The following TM9SF4 variants were observed in gnomAD, a reference collection of about 807,000 sequenced individuals.
The protein encoded by TM9SF4 is dinucleotide oxidase disulfide thiol exchanger 3 superfamily member 4.
Under a neutral mutation model 90.4 loss-of-function variants are expected in TM9SF4, and 26 were observed. The observed-to-expected ratio is 0.29, with a 90% CI of 0.21 to 0.40. The LOEUF (loss-of-function observed/expected upper bound fraction) is 0.40. Ranked by LOEUF, TM9SF4 falls within the 10% of genes least tolerant of loss-of-function variation. TM9SF4 has a pLI of 1.00. For missense variants in TM9SF4, 549 were observed against 834.8 expected (o/e 0.66, Z 4.22); for synonymous variants, 293 against 315.4 (o/e 0.93, Z 0.75).
rs1174446001 is a variant in TM9SF4, at chr20:32,118,553, A to G, written c.15+8798A>G. On this transcript the variant is annotated intron_variant, in intron 1 of 17. Transcript: ENST00000398022. ...TGGGCTCAGGTGATCCTCCCACGTA[A>G]TTATAGGTATTAGCTACTATGCCCA... 2.0e-5 allele frequency among the ~76,000 whole-genome samples: 3 copies of G among 152,030 alleles called. No homozygotes were observed. In the East Asian group the frequency reaches 5.8e-4, roughly 29 times the overall value.
chr20:32,143,200 A>G, intron 6 of TM9SF4, 95 bp downstream of exon 6: 1 of 1,483,458 alleles, frequency 6.7e-7, no homozygotes, highest in Non-Finnish European at 9.1e-7. Context: ...GAGCTGGCCG[A>G]TGGGCTCGGG....
intron 1 of TM9SF4, among the ~76,000 whole-genome samples, chr20:32,131,716 CGTT>C (rs2046517052): frequency 1.3e-5 from 2 of 152,122 alleles, no homozygotes; most frequent in African/African-American, 4.8e-5. Context: ...GACAAAAGTT[CGTT>C]GTTCAGACTG....
At chr20:32,131,552 A>G (rs887734898) in intron 1 of TM9SF4, among the ~76,000 whole-genome samples, 1 of 151,126 alleles carries the variant, frequency 6.6e-6, no homozygotes. Flanking sequence ...GTGTAACTTG[A>G]TGGATGGGAG....
At chr20:32,144,224 G>A (rs561013081) in intron 6 of TM9SF4, among the ~76,000 whole-genome samples, 6 of 152,310 alleles carry the variant, frequency 3.9e-5, no homozygotes, top group East Asian at 1.9e-4. Flanking sequence ...GATTACAGGC[G>A]TGAGCCACCG....
At chr20:32,140,341 A>C (rs1473946264) in intron 3 of TM9SF4, among the ~76,000 whole-genome samples, 2 of 152,172 alleles carry the variant, frequency 1.3e-5, no homozygotes, top group Non-Finnish European at 2.9e-5. Context: ...GTGCCACTTC[A>C]TTGAGTCAAA....
chr20:32,128,790 C>G (rs1429733427), intron 1 of TM9SF4, among the ~76,000 whole-genome samples: 1 of 145,268 alleles, frequency 6.9e-6, no homozygotes, highest in Non-Finnish European at 1.5e-5. Context: ...GTATTCCATT[C>G]TGTGTGTGTG....
At chr20:32,145,542 G>A in intron 8 of TM9SF4, 119 bp downstream of exon 8, 1 of 800,308 alleles carries the variant, frequency 1.2e-6, no homozygotes, top group Non-Finnish European at 2.1e-6. Flanking sequence ...GTCAAAAACA[G>A]ACATCAGGGC....
At chr20:32,151,848 ATTTTGTTT>A (rs1400618321) in intron 12 of TM9SF4, among the ~76,000 whole-genome samples, 11 of 140,896 alleles carry the variant, frequency 7.8e-5, no homozygotes, top group Admixed American at 3.5e-4. Context: ...TGCCTGGCTA[ATTTTGTTT>A]TTTTGTTTTT....
At chr20:32,117,876 T>C (rs1265014433) in intron 1 of TM9SF4, among the ~76,000 whole-genome samples, 1 of 152,158 alleles carries the variant, frequency 6.6e-6, no homozygotes, top group African/African-American at 2.4e-5. Context: ...TCACATCTCT[T>C]AGGACTCTTT....
At chr20:32,160,381 A>G (rs1165944713) in intron 16 of TM9SF4, among the ~76,000 whole-genome samples, 3 of 151,950 alleles carry the variant, frequency 2.0e-5, no homozygotes, top group African/African-American at 7.3e-5. Flanking sequence ...TGCCAAGTCC[A>G]CTCCAGTAGT....
In TM9SF4 at chr20:32,166,301, T is replaced by C. The variant is rs915317620; in HGVS notation, c.*857T>C. On this transcript the variant is annotated 3_prime_UTR_variant, in exon 18 of 18. Coordinates refer to ENST00000398022, the MANE Select transcript of TM9SF4 (RefSeq NM_014742.4). Reference sequence around the variant, plus strand: ...AGCCAAGCATCCACTTGTCTGTGTCTGGGAAGGGATGGCCAAGGCCGCTAG... The same window carrying C: ...AGCCAAGCATCCACTTGTCTGTGTCCGGGAAGGGATGGCCAAGGCCGCTAG... 1 of 152,874 alleles carries C rather than the reference T, an allele frequency of 6.5e-6. No individual in the cohort carries two copies. Among genetic ancestry groups the C allele is most frequent in the African/African-American group, 2.4e-5 (1 of 41,476 alleles). The allele number at this position is 152,874 out of a possible 1,614,324, so 9.5% of individuals were successfully genotyped here. A position where few individuals can be genotyped will look rare whatever the true frequency, so the allele number is the denominator to read the frequency against.
Position 32,141,790 on chromosome 20 carries a change from C to T in TM9SF4, c.423C>T (p.Ala141=). The T allele has an allele frequency of 6.2e-7, 1 of 1,614,134 alleles. No homozygotes were observed. The highest frequency in any genetic ancestry group is 1.7e-5 in the Admixed American group (1 of 60,008). The change falls in exon 5 of 18, where the codon GCC becomes GCT. Residue 141 remains alanine, a synonymous_variant. Transcript: ENST00000398022. ...VHLIADNLPV[A]TRLELYSNRD... Reference sequence around the variant, plus strand: ...GCATTGCTGACAACCTGCCTGTGGCCACCCGGCTGGAGCTCTACTCCAACC... The same window carrying T: ...GCATTGCTGACAACCTGCCTGTGGCTACCCGGCTGGAGCTCTACTCCAACC...
At chr20:32,143,648 C>T (rs1443336597) in intron 6 of TM9SF4, among the ~76,000 whole-genome samples, 3 of 152,180 alleles carry the variant, frequency 2.0e-5, no homozygotes, top group Non-Finnish European at 4.4e-5. Flanking sequence ...TTTGCCTCAC[C>T]TCTTGGCCCT....
chr20:32,116,731 T>C (rs2046229000), intron 1 of TM9SF4: 1 of 152,294 alleles, frequency 6.6e-6, no homozygotes, highest in Admixed American at 6.5e-5. Flanking sequence ...CTAGCTGTCA[T>C]TAGCCTTCAT....
At chr20:32,131,378 C>T (rs559492845) in intron 1 of TM9SF4, among the ~76,000 whole-genome samples, 6 of 152,274 alleles carry the variant, frequency 3.9e-5, no homozygotes, top group South Asian at 4.1e-4. Context: ...CCATTTTTCC[C>T]TCAACTTGTA....
chr20:32,154,330 A>G (rs1342774178), intron 12 of TM9SF4, among the ~76,000 whole-genome samples: 1 of 151,488 alleles, frequency 6.6e-6, no homozygotes, highest in Non-Finnish European at 1.5e-5. Context: ...TTGTAAAGAC[A>G]GGGTTTCACC....
chr20:32,156,962 CGAA>C (rs1486458085), intron 13 of TM9SF4, among the ~76,000 whole-genome samples: 2 of 31,532 alleles, frequency 6.3e-5, no homozygotes, highest in African/African-American at 8.1e-4. Context: ...TTTTTTGAGA[CGAA>C]GTCTCACTCT....
At chr20:32,161,675 C>A (rs1057238080) in intron 17 of TM9SF4, among the ~76,000 whole-genome samples, 1 of 152,016 alleles carries the variant, frequency 6.6e-6, no homozygotes, top group Non-Finnish European at 1.5e-5. Flanking sequence ...CAGTGCTCTT[C>A]ACAGGAAATA....
intron 1 of TM9SF4, among the ~76,000 whole-genome samples, chr20:32,110,942 G>A (rs549633545): frequency 6.6e-6 from 1 of 152,196 alleles, no homozygotes; most frequent in East Asian, 1.9e-4. Context: ...AGATAATTTC[G>A]TCCGGGGAGT....
Sources: gnomAD v4.1 joint callset for allele counts (sites outside exome capture counted in the v4.1 genomes callset) on GRCh38, gnomAD v4.1.1 for gene constraint, MANE v1.5 for transcripts, NCBI Gene and HGNC (gene_info 2026-07-23, HGNC 2026-07-21) for gene names.